The following RPS6KA5 variants were observed in gnomAD, a reference collection of about 807,000 sequenced individuals.
RPS6KA5 encodes ribosomal protein S6 kinase alpha-5.
Under a neutral mutation model 85.5 loss-of-function variants are expected in RPS6KA5, and 27 were observed. The observed-to-expected ratio is 0.32, with a 90% CI of 0.23 to 0.44. RPS6KA5 has a LOEUF of 0.44. RPS6KA5 is among the 20% of genes least tolerant of loss of function. RPS6KA5 has a pLI of 1.00. For synonymous variants in RPS6KA5, 334 were observed against 348.2 expected (o/e 0.96, Z 0.46); for missense variants, 811 against 980.9 (o/e 0.83, Z 2.31).
intron 5 of RPS6KA5, among the ~76,000 whole-genome samples, chr14:90,933,118 T>TAACCTAACA (rs2037075201): frequency 6.6e-6 from 1 of 152,218 alleles, no homozygotes; most frequent in South Asian, 2.1e-4. Context: ...CCATCTTATT[T>TAACCTAACA]AACCTAACAA....
At chr14:91,042,732 C>T (rs1014867656) in intron 1 of RPS6KA5, among the ~76,000 whole-genome samples, 2 of 149,504 alleles carry the variant, frequency 1.3e-5, no homozygotes, top group Admixed American at 6.7e-5. Context: ...AGTCTTTTAT[C>T]GGACCTCCTA....
At chr14:91,015,673 C>G (rs548340036) in intron 1 of RPS6KA5, among the ~76,000 whole-genome samples, 2 of 152,172 alleles carry the variant, frequency 1.3e-5, no homozygotes, top group African/African-American at 4.8e-5. Flanking sequence ...GTTTTCCAGA[C>G]TACATGCTGC....
chr14:91,026,172 G>C (rs1296738520), intron 1 of RPS6KA5, among the ~76,000 whole-genome samples: 1 of 152,142 alleles, frequency 6.6e-6, no homozygotes, highest in Non-Finnish European at 1.5e-5. Flanking sequence ...CAAAGGACAT[G>C]ATTTTGTTAT....
chr14:90,933,962 G>A (rs1466924047), intron 5 of RPS6KA5, among the ~76,000 whole-genome samples: 2 of 152,066 alleles, frequency 1.3e-5, no homozygotes, highest in African/African-American at 4.8e-5. Context: ...CTTCCTTCAT[G>A]TCTCTACTGC....
In RPS6KA5 at chr14:90,891,267, T is replaced by C. The variant is rs7156377; in HGVS notation, c.1645-589A>G. 5.4e-3 allele frequency among the ~76,000 whole-genome samples: 818 copies of C among 150,922 alleles called. 3 individuals carry two copies. Among genetic ancestry groups the C allele is most frequent in the African/African-American group, 0.019 (776 of 41,012 alleles). On this transcript the variant is annotated intron_variant, in intron 13 of 16. Transcript: ENST00000614987. ...AACAAAGTCATAAATAAAATAGCTA[T>C]ATAATATCTAGTATTGCCTATTGAA...
intron 2 of RPS6KA5, among the ~76,000 whole-genome samples, chr14:90,983,055 G>A (rs1345068662): frequency 6.6e-6 from 1 of 151,670 alleles, no homozygotes; most frequent in Admixed American, 6.6e-5. Flanking sequence ...GGAGCTTGCA[G>A]TGAGCCAAGA....
chr14:90,940,552 T>C (rs1336029680), intron 5 of RPS6KA5, among the ~76,000 whole-genome samples: 1 of 152,222 alleles, frequency 6.6e-6, no homozygotes, highest in Non-Finnish European at 1.5e-5. Context: ...CATTTTGCTG[T>C]TCCCCAGGGC....
At chr14:90,890,865 T>A (rs1180571713) in intron 13 of RPS6KA5, among the ~76,000 whole-genome samples, 187 bp from the exon 14 acceptor site, 1 of 152,090 alleles carries the variant, frequency 6.6e-6, no homozygotes, top group Admixed American at 6.6e-5. Context: ...TTATTTCAAT[T>A]TTACCATGTC....
chr14:90,894,067 A>G, intron 13 of RPS6KA5: 1 of 954,236 alleles, frequency 1.0e-6, no homozygotes, highest in Non-Finnish European at 1.3e-6. Flanking sequence ...ATTTGGAAAA[A>G]AAACCCTCTA....
intron 1 of RPS6KA5, chr14:91,060,119 C>T: frequency 1.0e-5 from 10 of 985,292 alleles, no homozygotes; most frequent in Non-Finnish European, 1.2e-5. Flanking sequence ...CGCTCATTCC[C>T]GGGCTGGGGA....
intron 1 of RPS6KA5, among the ~76,000 whole-genome samples, chr14:91,051,980 G>A (rs1475713949): frequency 6.6e-6 from 1 of 152,066 alleles, no homozygotes; most frequent in African/African-American, 2.4e-5. Context: ...AATTTCCATG[G>A]AAATGCCACA....
chr14:91,032,148 C>T (rs2042211103), intron 1 of RPS6KA5, among the ~76,000 whole-genome samples: 1 of 152,118 alleles, frequency 6.6e-6, no homozygotes, highest in Admixed American at 6.6e-5. Flanking sequence ...CCATGTGATA[C>T]CATGTGACCA....
rs879620402 is a variant in RPS6KA5, at chr14:91,044,429, GAAAGAAAGAA to G, written c.103+15893_103+15902del. The stretch of plus-strand genomic sequence containing the variant: ...AGAAAGAAAGAAAGAAAGAAAGAAA[GAAAGAAAGAA>G]AGAAAGAAAATTACCCAAGTAGGCC... On this transcript the variant is annotated intron_variant, in intron 1 of 16. Coordinates refer to ENST00000614987, the MANE Select transcript of RPS6KA5 (RefSeq NM_004755.4). Among the ~76,000 whole-genome samples, 699 of 130,078 alleles carry G rather than the reference GAAAGAAAGAA, an allele frequency of 5.4e-3. 6 individuals are homozygous for G. The highest frequency in any genetic ancestry group is 0.017 in the Middle Eastern group (4 of 234). 85.3% of individuals were successfully genotyped at this position (130,078 alleles called of 152,430 possible). A position where few individuals can be genotyped will look rare whatever the true frequency, so the allele number is the denominator to read the frequency against.
intron 3 of RPS6KA5, among the ~76,000 whole-genome samples, chr14:90,948,472 G>A (rs960486273): frequency 5.3e-5 from 8 of 152,068 alleles, no homozygotes; most frequent in African/African-American, 1.7e-4. Flanking sequence ...CGAGGCAGGC[G>A]GATCACGAGG....
intron 1 of RPS6KA5, among the ~76,000 whole-genome samples, chr14:91,011,782 G>T (rs1217031560): frequency 6.6e-6 from 1 of 152,082 alleles, no homozygotes; most frequent in African/African-American, 2.4e-5. Context: ...ATCCAGTGTT[G>T]AATGACTCCT....
chr14:91,031,323 T>C (rs770786598), intron 1 of RPS6KA5, among the ~76,000 whole-genome samples: 1 of 152,084 alleles, frequency 6.6e-6, no homozygotes, highest in Non-Finnish European at 1.5e-5. Context: ...GAAAAAGCTT[T>C]TCCAAAAAAA....
chr14:90,860,552 A>G lies in RPS6KA5; in HGVS notation c.*11522T>C, dbSNP rs1715446532. 1 of 152,162 alleles carries G rather than the reference A, an allele frequency of 6.6e-6. No individual in the cohort carries two copies. Among genetic ancestry groups the G allele is most frequent in the African/African-American group, 2.4e-5 (1 of 41,422 alleles). The allele number at this position is 152,162 out of a possible 1,614,324, so 9.4% of individuals were successfully genotyped here. A position where few individuals can be genotyped will look rare whatever the true frequency, so the allele number is the denominator to read the frequency against. On this transcript the variant is annotated 3_prime_UTR_variant, in exon 17 of 17. Coordinates refer to ENST00000614987, the MANE Select transcript of RPS6KA5 (RefSeq NM_004755.4). ...TGGTCTCAAAAATAAAATAAAATAA[A>G]ATGGTGAACCTAGTATTTCATACAA...
In RPS6KA5 at chr14:90,862,086, G is replaced by T. The variant is rs1358664508; in HGVS notation, c.*9988C>A. ...AACAATGGACAAAAGAAAATATTTG[G>T]TTTATCAAAAGAAGACACAATACAG... On this transcript the variant is annotated 3_prime_UTR_variant, in exon 17 of 17. Transcript: ENST00000614987. The T allele has an allele frequency of 7.9e-5, 12 of 152,048 alleles. No homozygotes were observed. Among genetic ancestry groups the T allele is most frequent in the Non-Finnish European group, 1.5e-4 (10 of 68,008 alleles). The allele number at this position is 152,048 out of a possible 1,614,324, so 9.4% of individuals were successfully genotyped here.
At chr14:90,977,233 AC>A (rs1391804139) in intron 3 of RPS6KA5, among the ~76,000 whole-genome samples, 2 of 152,238 alleles carry the variant, frequency 1.3e-5, no homozygotes, top group African/African-American at 4.8e-5. Flanking sequence ...TTTAATCCTT[AC>A]CATAATTCTA....
Sources: allele counts gnomAD v4.1 joint callset (sites outside exome capture counted in the v4.1 genomes callset), GRCh38; gene constraint gnomAD v4.1.1; transcripts MANE v1.5; gene names NCBI Gene and HGNC (gene_info 2026-07-23, HGNC 2026-07-21).